FAM170A: variants seen among roughly 807,000 people sequenced by gnomAD.
The protein encoded by FAM170A is family with sequence similarity 170 member A.
In FAM170A, 28 loss-of-function variants were observed where a neutral mutation model predicts 36.6. That is an observed-to-expected ratio of 0.76 (90% confidence interval 0.57 to 1.05). FAM170A has a LOEUF of 1.05. FAM170A is among the 50% of genes least tolerant of loss of function. The probability of loss-of-function intolerance (pLI) is 0.00; values close to 1 mark genes in which losing one functional copy is unlikely to be tolerated. For synonymous variants in FAM170A, 156 were observed against 143.9 expected, an observed-to-expected ratio of 1.08 and a Z score of -0.60; for missense variants, 434 against 396.5, an observed-to-expected ratio of 1.09 and a Z score of -0.80.
rs1309370023 is a variant in FAM170A at position 119,632,827 on chromosome 5, AG to A, written c.151del (p.Val51LeufsTer69). ...AAGGCTGGAGCCAAGGGGTGGGAGA[AG>A]TTACTTCTACCTCCGAATACTGCTC... On this transcript the variant is annotated frameshift_variant, in exon 2 of 5. Coordinates refer to ENST00000613773, the Ensembl canonical transcript of FAM170A. LOFTEE classifies it high-confidence loss of function. The A allele has an allele frequency of 5.0e-6, 8 of 1,613,274 alleles. No homozygotes were observed. Among genetic ancestry groups the A allele is most frequent in the Non-Finnish European group, 6.8e-6 (8 of 1,179,334 alleles).
chr5:119,634,623 A>G lies in FAM170A; in HGVS notation c.875A>G (p.Glu292Gly), dbSNP rs559015762. 4 of 1,612,000 alleles carry G rather than the reference A, an allele frequency of 2.5e-6. No homozygotes were observed. In the East Asian group the frequency reaches 6.7e-5, roughly 27 times the overall value. Residue 292 changes from glutamate (E) to glycine (G), a missense_variant, in exon 3 of 5, where the codon GAG becomes GGG. Transcript: ENST00000613773. ...AATGGAAATGAGAAGGAGGAGGAAG[A>G]GAAACCAGAAGCAAAGGAGGAGGAG... is the stretch of plus-strand genomic sequence containing the variant.
At chr5:119,634,853 G>A in intron 3 of FAM170A, 119 bp downstream of exon 3, 8 of 1,255,690 alleles carry the variant, frequency 6.4e-6, no homozygotes, top group Non-Finnish European at 8.9e-6. Context: ...TATTGGCTCA[G>A]GGAACAATGG....
chr5:119,629,660 C>T (rs1375838589), exon 1 of FAM170A: 2 of 819,576 alleles, frequency 2.4e-6, no homozygotes, highest in East Asian at 2.7e-5. Context: ...TACGTTTACT[C>T]GTACTGAATC....
At chr5:119,630,951 G>T (rs1756237100) in intron 1 of FAM170A, among the ~76,000 whole-genome samples, 1 of 152,200 alleles carries the variant, frequency 6.6e-6, no homozygotes, top group Non-Finnish European at 1.5e-5. Flanking sequence ...TAGGGATGGC[G>T]TCATAGTGAA....
exon 3 of FAM170A, chr5:119,634,522 C>G: frequency 6.2e-7 from 1 of 1,613,432 alleles, no homozygotes; most frequent in Non-Finnish European, 8.5e-7. Context: ...TCAGCTGCCA[C>G]GTCTTTCATC....
chr5:119,632,513 C>T (rs369019311), intron 1 of FAM170A, among the ~76,000 whole-genome samples: 19 of 152,322 alleles, frequency 1.2e-4, no homozygotes, highest in African/African-American at 2.9e-4. Context: ...ATCACTCTTA[C>T]GCTTCAGACG....
chr5:119,631,518 A>G (rs1399374735), intron 1 of FAM170A, among the ~76,000 whole-genome samples: 2 of 152,162 alleles, frequency 1.3e-5, no homozygotes, highest in Non-Finnish European at 1.5e-5. Context: ...GGCAACACTC[A>G]ATACACATAA....
rs551506185 is a variant in FAM170A at position 119,634,059 on chromosome 5, TGTC to T, written c.315_317del (p.Ser106del). On this transcript the variant is annotated inframe_deletion, in exon 3 of 5. Coordinates refer to ENST00000613773, the Ensembl canonical transcript of FAM170A. ...CCTCCCCGCTCACAACATGTCTCCT[TGTC>T]GTCCTATTCATCCTATAAGACTTGT... 205 of 1,614,158 alleles carry T rather than the reference TGTC, an allele frequency of 1.3e-4. 2 individuals carry two copies. In the South Asian group the frequency reaches 1.8e-3, roughly 14 times the overall value.
chr5:119,630,126 C>T (rs1263670288), intron 1 of FAM170A, among the ~76,000 whole-genome samples: 2 of 142,088 alleles, frequency 1.4e-5, no homozygotes, highest in South Asian at 2.3e-4. Context: ...CTCCTGACCT[C>T]CTGATCCGCC....
intron 1 of FAM170A, among the ~76,000 whole-genome samples, chr5:119,632,001 A>G (rs1756262642): frequency 6.6e-6 from 1 of 152,186 alleles, no homozygotes; most frequent in Admixed American, 6.5e-5. Context: ...TGTCCCAAAT[A>G]TTTTATGGAA....
intron 1 of FAM170A, among the ~76,000 whole-genome samples, chr5:119,632,513 C>A (rs369019311): frequency 3.9e-5 from 6 of 152,204 alleles, no homozygotes; most frequent in Admixed American, 3.9e-4. Context: ...ATCACTCTTA[C>A]GCTTCAGACG....
exon 1 of FAM170A, chr5:119,629,657 A>T: frequency 1.2e-6 from 1 of 801,846 alleles, no homozygotes; most frequent in Non-Finnish European, 2.1e-6. Context: ...AACTACGTTT[A>T]CTCGTACTGA....
At chr5:119,633,927 G>A in intron 2 of FAM170A, 33 bp from the exon 3 acceptor site, 2 of 1,587,538 alleles carry the variant, frequency 1.3e-6, no homozygotes, top group Non-Finnish European at 1.7e-6. Context: ...CATGGCCCAT[G>A]CATCTGCTCA....
At chr5:119,635,193 C>A in intron 4 of FAM170A, 107 bp downstream of exon 4, 1 of 732,178 alleles carries the variant, frequency 1.4e-6, no homozygotes, top group Non-Finnish European at 2.4e-6. Context: ...GCTCTGCAGC[C>A]ACATCAACTT....
intron 2 of FAM170A, among the ~76,000 whole-genome samples, chr5:119,633,123 G>A (rs976508727): frequency 3.3e-5 from 5 of 152,124 alleles, no homozygotes; most frequent in African/African-American, 1.2e-4. Flanking sequence ...CCTTGAGCAT[G>A]AGACTCTGGA....
chr5:119,629,883 G>C (rs1279006080), intron 1 of FAM170A, 45 bp downstream of exon 1: 1 of 1,437,122 alleles, frequency 7.0e-7, no homozygotes. Context: ...TCACTGGCCA[G>C]CCTGAGCCGC....
At chr5:119,633,001 G>C (rs1307473761) in intron 2 of FAM170A, 113 bp downstream of exon 2, 2 of 1,249,678 alleles carry the variant, frequency 1.6e-6, no homozygotes, top group African/African-American at 1.5e-5. Flanking sequence ...TTGCAGTGCT[G>C]CTTGGGTGTA....
rs377559289 is a variant in FAM170A at position 119,634,523 on chromosome 5, G to A, written c.775G>A (p.Val259Ile). The change falls in exon 3 of 5, where the codon GTC (valine) becomes ATC (isoleucine). Residue 259 changes from valine (V) to isoleucine (I), a missense_variant. By Grantham distance (29) the Val-to-Ile change is conservative. Transcript: ENST00000613773. ...GATCAGAGAGGGCTTCAGCTGCCAC[G>A]TCTTTCATCTCACCATGGCTCAGCT... 480 of 1,613,560 alleles carry A rather than the reference G, an allele frequency of 3.0e-4. 1 individual carries two copies. The highest frequency in any genetic ancestry group is 3.8e-4 in the Non-Finnish European group (451 of 1,179,516).
intron 2 of FAM170A, among the ~76,000 whole-genome samples, chr5:119,633,363 G>T (rs1756297769): frequency 6.6e-6 from 1 of 152,088 alleles, no homozygotes; most frequent in Non-Finnish European, 1.5e-5. Flanking sequence ...CATGAGCCCT[G>T]GTGTGCAGTC....
Sources: gnomAD v4.1 joint callset for allele counts (sites outside exome capture counted in the v4.1 genomes callset) on GRCh38, gnomAD v4.1.1 for gene constraint, MANE v1.5 for transcripts, NCBI Gene and HGNC (gene_info 2026-07-23, HGNC 2026-07-21) for gene names.